The following TK2 variants were observed in gnomAD, a reference collection of about 807,000 sequenced individuals.
The protein encoded by TK2 is thymidine kinase 2, mitochondrial.
In TK2, 35 loss-of-function variants were observed where a neutral mutation model predicts 41.9. That is an observed-to-expected ratio of 0.84 (90% CI 0.64 to 1.11). TK2 has a LOEUF of 1.11. TK2 is among the 50% of genes least tolerant of loss of function. The pLI is 0.00. For missense variants in TK2, 320 were observed against 351.1 expected (o/e 0.91, Z 0.71); for synonymous variants, 128 against 129.1 (o/e 0.99, Z 0.06).
At chr16:66,533,924 C>T (rs562415003) in intron 4 of TK2, among the ~76,000 whole-genome samples, 23 of 148,700 alleles carry the variant, frequency 1.5e-4, no homozygotes, top group African/African-American at 4.7e-4. Flanking sequence ...AGGAGAATGG[C>T]GCGAACCCAG....
At chr16:66,549,868 G>A (rs1965733627) in intron 1 of TK2, 70 bp downstream of exon 1, 2 of 1,287,484 alleles carry the variant, frequency 1.6e-6, no homozygotes, top group African/African-American at 1.5e-5. Context: ...GGCGGGTTCC[G>A]GAAGCCGAGG....
chr16:66,512,820 C>T (rs1288513545), intron 9 of TK2, among the ~76,000 whole-genome samples: 3 of 152,170 alleles, frequency 2.0e-5, no homozygotes, highest in African/African-American at 7.2e-5. Context: ...AGTAATATCT[C>T]ACTTTCCGGC....
chr16:66,517,088 G>C lies in TK2; in HGVS notation c.618+48C>G, dbSNP rs773135182. ...CCGGGAGAGGAAGCCGGGTTGGACA[G>C]AGGTGGTTTCCCAGTTTGTCTTTAA... On this transcript the variant is annotated intron_variant, in intron 8 of 9. Transcript: ENST00000544898. This position sits in a 1 kb window ranked among gnomAD's most constrained non-coding sequence, Gnocchi z 4.3. 6.4e-7 allele frequency: 1 copy of C among 1,552,974 alleles called. No homozygotes were observed. Among genetic ancestry groups the C allele is most frequent in the South Asian group, 1.1e-5 (1 of 89,880 alleles).
Position 66,517,801 on chromosome 16 carries a change from C to G in TK2, c.526G>C (p.Val176Leu). The change falls in exon 7 of 10, where the codon GTT becomes CTT. Residue 176 changes from valine to leucine, a missense_variant. Val to Leu is a conservative substitution (Grantham distance 32, BLOSUM62 1). Coordinates refer to ENST00000544898, the MANE Select transcript of TK2 (RefSeq NM_004614.5). The surrounding 1 kb of genome is among the most constrained non-coding windows in gnomAD (Gnocchi z 4.3). ...GGGTGCATCTCACCTATCAAATCAACAGACACGTCCATGTTCCTCAAGATC... is the reference window on the plus strand; with the variant it reads ...GGGTGCATCTCACCTATCAAATCAAGAGACACGTCCATGTTCCTCAAGATC... ...DWILRNMDVS[V>L]DLIVYLRTNP... The G allele has an allele frequency of 1.2e-6, 2 of 1,614,040 alleles. No individual in the cohort carries two copies. Among genetic ancestry groups the G allele is most frequent in the South Asian group, 2.2e-5 (2 of 91,080 alleles).
At chr16:66,519,234 A>G (rs984943284) in intron 6 of TK2, among the ~76,000 whole-genome samples, 2 of 152,066 alleles carry the variant, frequency 1.3e-5, no homozygotes, top group Non-Finnish European at 2.9e-5. Flanking sequence ...GCTGGAGTGC[A>G]GTGGCGTGAT....
intron 3 of TK2, among the ~76,000 whole-genome samples, chr16:66,537,950 G>A (rs1467742453): frequency 2.0e-5 from 3 of 152,140 alleles, no homozygotes; most frequent in African/African-American, 7.2e-5. Context: ...ATCACTTGAG[G>A]TCAGGAGTTC....
At chr16:66,531,233 C>G (rs531846716) in intron 5 of TK2, 147 bp downstream of exon 5, 9 of 805,066 alleles carry the variant, frequency 1.1e-5, no homozygotes, top group Non-Finnish European at 1.9e-5. Context: ...ACCACAGAAG[C>G]CAGAGACCTT....
intron 6 of TK2, among the ~76,000 whole-genome samples, chr16:66,520,342 A>C (rs1964743594): frequency 6.6e-6 from 1 of 152,166 alleles, no homozygotes; most frequent in South Asian, 2.1e-4. Flanking sequence ...GGGTCCATCC[A>C]CAGACCCAAG....
At chr16:66,529,859 C>T (rs1242858164) in intron 5 of TK2, among the ~76,000 whole-genome samples, 1 of 152,186 alleles carries the variant, frequency 6.6e-6, no homozygotes, top group Non-Finnish European at 1.5e-5. Flanking sequence ...CCTTTCCATT[C>T]TTCCATCCTC....
intron 4 of TK2, among the ~76,000 whole-genome samples, chr16:66,532,706 A>G (rs1965153967): frequency 6.6e-6 from 1 of 152,094 alleles, no homozygotes; most frequent in Non-Finnish European, 1.5e-5. Flanking sequence ...ACTATAAAAC[A>G]CTGATGAAAG....
chr16:66,526,677 A>C (rs1178394872), intron 6 of TK2, among the ~76,000 whole-genome samples: 1 of 152,204 alleles, frequency 6.6e-6, no homozygotes, highest in Non-Finnish European at 1.5e-5. Flanking sequence ...TCTTGAGCCC[A>C]GGACATCGAG....
upstream of TK2, chr16:66,550,164 G>C: frequency 6.2e-7 from 1 of 1,612,556 alleles, no homozygotes; most frequent in Non-Finnish European, 8.5e-7. Context: ...CCGGCGCCTG[G>C]CCCTTAAAGA....
At chr16:66,530,162 C>T (rs950007180) in intron 5 of TK2, among the ~76,000 whole-genome samples, 42 of 152,214 alleles carry the variant, frequency 2.8e-4, no homozygotes, top group African/African-American at 8.2e-4. Context: ...TCACCAAAAA[C>T]GGCCCACTCA....
intron 2 of TK2, among the ~76,000 whole-genome samples, chr16:66,544,656 A>C (rs1965551993): frequency 6.6e-6 from 1 of 152,042 alleles, no homozygotes; most frequent in African/African-American, 2.4e-5. Flanking sequence ...ATTTATCTCC[A>C]TTTTCCTCTG....
At chr16:66,512,391 T>A (rs540068483) in intron 9 of TK2, among the ~76,000 whole-genome samples, 2 of 152,210 alleles carry the variant, frequency 1.3e-5, no homozygotes, top group East Asian at 3.9e-4. Context: ...AGTGAGACCC[T>A]GTAAGCTCAT....
Position 66,510,132 on chromosome 16 carries a change from A to C in TK2, c.*1836T>G, listed in dbSNP as rs977251918. Reference sequence around the variant, plus strand: ...AAAATCAACAACAGGGCTTAGGTGAAGGAGTTATTGGGTATCACAGAGCAA... The same window carrying C: ...AAAATCAACAACAGGGCTTAGGTGACGGAGTTATTGGGTATCACAGAGCAA... On this transcript the variant is annotated 3_prime_UTR_variant, in exon 10 of 10. Coordinates refer to ENST00000544898, the MANE Select transcript of TK2 (RefSeq NM_004614.5). The C allele has an allele frequency of 6.6e-6, 1 of 151,000 alleles. No homozygotes were observed. Among genetic ancestry groups the C allele is most frequent in the East Asian group, 2.0e-4 (1 of 5,066 alleles). 9.4% of individuals were successfully genotyped at this position (151,000 alleles called of 1,614,324 possible).
chr16:66,526,180 G>C (rs531165800), intron 6 of TK2, among the ~76,000 whole-genome samples: 2 of 152,258 alleles, frequency 1.3e-5, no homozygotes, highest in East Asian at 3.9e-4. Flanking sequence ...GGTAGGATTG[G>C]GGAACTCACA....
At chr16:66,512,769 T>C (rs1436752533) in intron 9 of TK2, among the ~76,000 whole-genome samples, 4 of 152,010 alleles carry the variant, frequency 2.6e-5, no homozygotes, top group Admixed American at 6.6e-5. Flanking sequence ...GGCAACAGAG[T>C]GAGGCTCTGT....
intron 6 of TK2, among the ~76,000 whole-genome samples, chr16:66,522,533 C>T (rs1285778206): frequency 1.3e-5 from 2 of 152,266 alleles, no homozygotes; most frequent in African/African-American, 4.8e-5. Flanking sequence ...TGCTCACCAC[C>T]TTCAGCTTTT....
Sources: allele counts gnomAD v4.1 joint callset (sites outside exome capture counted in the v4.1 genomes callset), GRCh38; gene constraint gnomAD v4.1.1; non-coding constraint Gnocchi (gnomAD v3.1); transcripts MANE v1.5; gene names NCBI Gene and HGNC (gene_info 2026-07-23, HGNC 2026-07-21).